ZYG11B: variants seen among roughly 807,000 people sequenced by gnomAD.
The protein encoded by ZYG11B is protein zyg-11 homolog B.
A neutral mutation model predicts 82.4 loss-of-function variants in ZYG11B; 36 were observed. The observed-to-expected ratio is 0.44, with a 90% CI of 0.33 to 0.58. The LOEUF (loss-of-function observed/expected upper bound fraction) is 0.58. ZYG11B is among the 20% of genes least tolerant of loss of function. The pLI is 0.02. For missense variants in ZYG11B, 552 were observed against 895.6 expected, an observed-to-expected ratio of 0.62 and a Z score of 4.90; for synonymous variants, 303 against 312.8, an observed-to-expected ratio of 0.97 and a Z score of 0.33.
At chr1:52,793,873 T>TTCCG (rs1289527855) in intron 6 of ZYG11B, among the ~76,000 whole-genome samples, 1 of 125,232 alleles carries the variant, frequency 8.0e-6, no homozygotes, top group Non-Finnish European at 1.7e-5. Context: ...CTTTCTTTCC[T>TTCCG]TCCTTCCTTC....
intron 3 of ZYG11B, among the ~76,000 whole-genome samples, chr1:52,778,363 T>C (rs1644826538): frequency 6.6e-6 from 1 of 152,136 alleles, no homozygotes; most frequent in African/African-American, 2.4e-5. Flanking sequence ...GGGGTTAAAG[T>C]GATGCTCCTG....
intron 1 of ZYG11B, among the ~76,000 whole-genome samples, chr1:52,742,962 G>A (rs1197917798): frequency 5.9e-5 from 9 of 151,616 alleles, no homozygotes; most frequent in Non-Finnish European, 1.3e-4. Flanking sequence ...CCGGCCAGCC[G>A]CCCCGTCCGG....
chr1:52,749,420 G>C (rs1341380105), intron 1 of ZYG11B, among the ~76,000 whole-genome samples: 1 of 152,088 alleles, frequency 6.6e-6, no homozygotes, highest in Non-Finnish European at 1.5e-5. Context: ...AGGAAGATTG[G>C]AACTAGCTAG....
chr1:52,774,609 A>ATTTTTTTTTTT (rs35043109), intron 3 of ZYG11B, among the ~76,000 whole-genome samples: 2 of 111,140 alleles, frequency 1.8e-5, no homozygotes, highest in African/African-American at 4.9e-5. Flanking sequence ...GCCTGGCCTA[A>ATTTTTTTTTTT]TTTTTTTTTT....
At chr1:52,757,050 T>TA (rs1322906643) in intron 2 of ZYG11B, among the ~76,000 whole-genome samples, 1 of 151,140 alleles carries the variant, frequency 6.6e-6, no homozygotes, top group East Asian at 1.9e-4. Context: ...TTTTTTTTTT[T>TA]AAATTTTTTA....
chr1:52,759,764 C>T lies in ZYG11B; in HGVS notation c.196+3141C>T, dbSNP rs531073237. Among the ~76,000 whole-genome samples the T allele has an allele frequency of 3.3e-5, 5 of 152,274 alleles. No individual in the cohort carries two copies. In the South Asian group the frequency reaches 8.3e-4, roughly 25 times the overall value. On this transcript the variant is annotated intron_variant, in intron 2 of 13. Transcript: ENST00000294353. ...AAAAGTTGCTTTATACATTTTTCTTCGTGTTTGAAAATATTCATACTGGGA... is the reference window on the plus strand; with the variant it reads ...AAAAGTTGCTTTATACATTTTTCTTTGTGTTTGAAAATATTCATACTGGGA...
At chr1:52,792,418 A>G (rs906673557) in intron 6 of ZYG11B, among the ~76,000 whole-genome samples, 4 of 152,192 alleles carry the variant, frequency 2.6e-5, no homozygotes, top group Admixed American at 1.3e-4. Context: ...AGCACTTACT[A>G]CTGCCAGGCA....
intron 2 of ZYG11B, among the ~76,000 whole-genome samples, chr1:52,769,487 C>G (rs762705186): frequency 5.3e-5 from 8 of 152,158 alleles, no homozygotes; most frequent in Admixed American, 1.3e-4. Flanking sequence ...TACTTTATAG[C>G]TGACCTCACT....
At chr1:52,756,336 G>A in intron 1 of ZYG11B, 122 bp from the exon 2 acceptor site, 2 of 854,732 alleles carry the variant, frequency 2.3e-6, no homozygotes, top group Non-Finnish European at 3.6e-6. Flanking sequence ...ACAGTGTCTA[G>A]CATATGATAG....
chr1:52,813,365 C>T (rs1645199645), intron 10 of ZYG11B, among the ~76,000 whole-genome samples, 171 bp from the exon 11 acceptor site: 1 of 152,200 alleles, frequency 6.6e-6, no homozygotes, highest in South Asian at 2.1e-4. Flanking sequence ...CTTTGGCTTA[C>T]TCTTACCTTC....
chr1:52,800,031 T>C (rs1645062849), intron 8 of ZYG11B, among the ~76,000 whole-genome samples: 1 of 151,974 alleles, frequency 6.6e-6, no homozygotes, highest in Non-Finnish European at 1.5e-5. Flanking sequence ...ATCCCAGAAC[T>C]TTGGGAGGCT....
At chr1:52,802,348 T>C (rs1280831982) in intron 10 of ZYG11B, among the ~76,000 whole-genome samples, 1 of 138,824 alleles carries the variant, frequency 7.2e-6, no homozygotes, top group East Asian at 2.1e-4. Flanking sequence ...CTCTTTTTTT[T>C]TTTTTTTTTT....
intron 8 of ZYG11B, among the ~76,000 whole-genome samples, chr1:52,797,852 G>A (rs895994248): frequency 7.2e-5 from 11 of 151,764 alleles, no homozygotes; most frequent in African/African-American, 1.2e-4. Flanking sequence ...CTAGGCATGC[G>A]GTGACCCACA....
rs1265218637 is a variant in ZYG11B, at chr1:52,781,782, A to G, written c.1092+1789A>G. Among the ~76,000 whole-genome samples the G allele has an allele frequency of 2.0e-5, 3 of 152,234 alleles. No homozygotes were observed. In the South Asian group the frequency reaches 6.2e-4, roughly 31 times the overall value. ...GTAATAATAAGTCAGTGGCAGAGCC[A>G]CAACTTGATATCCTACATATCTTAA... On this transcript the variant is annotated intron_variant, in intron 4 of 13. Transcript: ENST00000294353.
intron 4 of ZYG11B, among the ~76,000 whole-genome samples, chr1:52,782,099 T>C (rs1183184106): frequency 6.6e-6 from 1 of 152,040 alleles, no homozygotes; most frequent in Non-Finnish European, 1.5e-5. Context: ...AGCATCTCAC[T>C]CTGTCACCCA....
At chr1:52,779,091 A>G (rs1424042823) in intron 3 of ZYG11B, among the ~76,000 whole-genome samples, 1 of 152,224 alleles carries the variant, frequency 6.6e-6, no homozygotes, top group Non-Finnish European at 1.5e-5. Context: ...AAGAATGAGT[A>G]GAAATTAGTC....
intron 1 of ZYG11B, among the ~76,000 whole-genome samples, chr1:52,731,419 A>G (rs1207587608): frequency 6.6e-6 from 1 of 152,184 alleles, no homozygotes; most frequent in Non-Finnish European, 1.5e-5. Flanking sequence ...GCTGTCCAAA[A>G]AACCTAGGTC....
At chr1:52,772,390 C>G in intron 3 of ZYG11B, 1 of 1,552,444 alleles carries the variant, frequency 6.4e-7, no homozygotes, top group South Asian at 1.1e-5. Context: ...TGGTAGAGAT[C>G]TTCAGGAAGA....
chr1:52,756,373 G>A (rs1182346240), intron 1 of ZYG11B, 85 bp from the exon 2 acceptor site: 5 of 1,313,302 alleles, frequency 3.8e-6, no homozygotes, highest in Non-Finnish European at 5.4e-6. Context: ...TGTGAAATGA[G>A]TAAATGAATG....
Sources: allele counts gnomAD v4.1 joint callset (sites outside exome capture counted in the v4.1 genomes callset), GRCh38; gene constraint gnomAD v4.1.1; transcripts MANE v1.5; gene names NCBI Gene and HGNC (gene_info 2026-07-23, HGNC 2026-07-21).